GADL1: variants seen among roughly 807,000 people sequenced by gnomAD.
GADL1 encodes GAD like acidic amino acid decarboxylase 1.
GADL1 carries 71 observed loss-of-function variants against 69.5 expected under a neutral mutation model. The observed-to-expected ratio is 1.02, with a 90% CI of 0.84 to 1.25. The LOEUF is 1.25. Among genes scored for constraint, GADL1 ranks in the 50% most tolerant of loss-of-function variants. The pLI is 0.00. For synonymous variants in GADL1, 254 were observed against 214.4 expected, an observed-to-expected ratio of 1.18 and a Z score of -1.62; for missense variants, 737 against 631.8, an observed-to-expected ratio of 1.17 and a Z score of -1.79.
chr3:30,752,186 G>T (rs201171848), intron 14 of GADL1, among the ~76,000 whole-genome samples: 3 of 147,062 alleles, frequency 2.0e-5, no homozygotes, highest in Non-Finnish European at 3.0e-5. Flanking sequence ...GTGCTGTTAA[G>T]TTCTCTCAGG....
At chr3:30,778,904 A>G (rs1038944664) in intron 13 of GADL1, 8 of 152,202 alleles carry the variant, frequency 5.3e-5, no homozygotes, top group Non-Finnish European at 4.4e-5. Context: ...CCTATGTTCA[A>G]AATGTCCAAT....
At chr3:30,871,933 G>A (rs1439383499) in intron 1 of GADL1, among the ~76,000 whole-genome samples, 1 of 150,402 alleles carries the variant, frequency 6.6e-6, no homozygotes, top group Non-Finnish European at 1.5e-5. Context: ...TGGGCACAAG[G>A]CCAGGAATTA....
intron 1 of GADL1, among the ~76,000 whole-genome samples, chr3:30,890,676 G>A (rs1169816339): frequency 6.6e-6 from 1 of 152,158 alleles, no homozygotes. Flanking sequence ...TATAGAGTGT[G>A]GGGTAATCAT....
At chr3:30,893,650 G>A (rs571456487) in intron 1 of GADL1, among the ~76,000 whole-genome samples, 2 of 152,080 alleles carry the variant, frequency 1.3e-5, no homozygotes, top group East Asian at 1.9e-4. Flanking sequence ...TTTTAAAAGA[G>A]CGTCAGGACA....
chr3:30,858,819 G>T (rs1415654336), intron 2 of GADL1, among the ~76,000 whole-genome samples: 1 of 151,988 alleles, frequency 6.6e-6, no homozygotes, highest in Non-Finnish European at 1.5e-5. Flanking sequence ...CAGCAGGGCA[G>T]AAAGGAGCAG....
intron 12 of GADL1, among the ~76,000 whole-genome samples, chr3:30,791,592 A>G (rs1336231197): frequency 6.6e-6 from 1 of 152,196 alleles, no homozygotes. Flanking sequence ...AAGGCATCCT[A>G]AAACAGAGCT....
At chr3:30,786,752 A>G (rs1005845303) in intron 12 of GADL1, among the ~76,000 whole-genome samples, 1 of 152,208 alleles carries the variant, frequency 6.6e-6, no homozygotes, top group South Asian at 2.1e-4. Context: ...AGGTACTTAC[A>G]TTAAATAGCT....
At chr3:30,771,290 T>C (rs1301046492) in intron 14 of GADL1, among the ~76,000 whole-genome samples, 2 of 152,224 alleles carry the variant, frequency 1.3e-5, no homozygotes, top group African/African-American at 4.8e-5. Context: ...AGTTGCAGAA[T>C]GGCATAAGAA....
At chr3:30,860,218 A>G (rs1336571094) in intron 2 of GADL1, among the ~76,000 whole-genome samples, 1 of 151,852 alleles carries the variant, frequency 6.6e-6, no homozygotes, top group Non-Finnish European at 1.5e-5. Context: ...GTCTCAAAGC[A>G]TTTATCACAT....
chr3:30,785,149 CTAAT>C (rs1160033741), intron 13 of GADL1, among the ~76,000 whole-genome samples: 1 of 152,002 alleles, frequency 6.6e-6, no homozygotes, highest in East Asian at 1.9e-4. Flanking sequence ...TATAACCTGT[CTAAT>C]TATTTGTATA....
intron 1 of GADL1, 119 bp from the exon 2 acceptor site, chr3:30,861,884 G>A: frequency 1.6e-6 from 1 of 636,386 alleles, no homozygotes; most frequent in Non-Finnish European, 2.6e-6. Flanking sequence ...ATACATGAAG[G>A]CATCATTTGA....
At chr3:30,822,091 A>G (rs1222142866) in intron 11 of GADL1, among the ~76,000 whole-genome samples, 1 of 152,108 alleles carries the variant, frequency 6.6e-6, no homozygotes, top group Non-Finnish European at 1.5e-5. Context: ...GAAGTCTGGT[A>G]TCACTTGGAA....
intron 14 of GADL1, among the ~76,000 whole-genome samples, chr3:30,733,950 C>A (rs1178354195): frequency 2.6e-5 from 4 of 152,122 alleles, no homozygotes; most frequent in African/African-American, 9.7e-5. Context: ...AGAGTTTTTC[C>A]TGTCTCACTG....
intron 1 of GADL1, among the ~76,000 whole-genome samples, chr3:30,872,440 T>A (rs1353574385): frequency 1.3e-5 from 2 of 151,982 alleles, no homozygotes; most frequent in Non-Finnish European, 2.9e-5. Context: ...TTTTCTTGTC[T>A]ATATACATTT....
intron 11 of GADL1, among the ~76,000 whole-genome samples, chr3:30,811,764 G>A (rs1575216449): frequency 6.6e-6 from 1 of 152,176 alleles, no homozygotes; most frequent in Non-Finnish European, 1.5e-5. Flanking sequence ...AATTGGTACA[G>A]TGATTGTTAA....
chr3:30,770,389 A>G (rs1696390086), intron 14 of GADL1, among the ~76,000 whole-genome samples: 1 of 152,254 alleles, frequency 6.6e-6, no homozygotes, highest in African/African-American at 2.4e-5. Flanking sequence ...ACAGACTTAA[A>G]TGATAAACTT....
intron 14 of GADL1, among the ~76,000 whole-genome samples, chr3:30,746,268 T>C (rs779091898): frequency 7.2e-5 from 11 of 152,100 alleles, no homozygotes; most frequent in Admixed American, 2.0e-4. Context: ...GCTGAAATTA[T>C]AGGCATGAGC....
At chr3:30,754,304 C>A (rs1404287779) in intron 14 of GADL1, among the ~76,000 whole-genome samples, 2 of 152,106 alleles carry the variant, frequency 1.3e-5, no homozygotes, top group African/African-American at 2.4e-5. Context: ...TGTGGGGGAA[C>A]AAACTATAAT....
intron 14 of GADL1, among the ~76,000 whole-genome samples, chr3:30,771,136 T>C (rs1696411196): frequency 6.6e-6 from 1 of 152,168 alleles, no homozygotes; most frequent in Non-Finnish European, 1.5e-5. Context: ...AGACAATAAT[T>C]AACTAGAAAA....
Sources: gnomAD v4.1 joint callset for allele counts (sites outside exome capture counted in the v4.1 genomes callset) on GRCh38, gnomAD v4.1.1 for gene constraint, MANE v1.5 for transcripts, NCBI Gene and HGNC (gene_info 2026-07-23, HGNC 2026-07-21) for gene names.